Variants in EPB41L4A observed in about 807,000 individuals in gnomAD.
EPB41L4A encodes erythrocyte membrane protein band 4.1 like 4A.
A neutral mutation model predicts 108.6 loss-of-function variants in EPB41L4A; 100 were observed. The ratio of observed to expected loss-of-function variants is 0.92; its 90% CI spans 0.78 to 1.09. The LOEUF (loss-of-function observed/expected upper bound fraction) is 1.09, where lower values mean the gene tolerates loss of function less well. EPB41L4A is among the 50% of genes least tolerant of loss of function. EPB41L4A has a pLI of 0.00. For missense variants in EPB41L4A, 1,030 were observed against 842.7 expected, an observed-to-expected ratio of 1.22 and a Z score of -2.75; for synonymous variants, 319 against 289.0, an observed-to-expected ratio of 1.10 and a Z score of -1.05.
chr5:112,210,041 A>T, intron 12 of EPB41L4A, 59 bp from the exon 13 acceptor site: 5 of 1,012,234 alleles, frequency 4.9e-6, no homozygotes, highest in Non-Finnish European at 7.5e-6. Flanking sequence ...AGGAAATGAA[A>T]GAAACAGAAG....
At chr5:112,312,504 G>A (rs891165064) in intron 1 of EPB41L4A, among the ~76,000 whole-genome samples, 1 of 151,996 alleles carries the variant, frequency 6.6e-6, no homozygotes, top group Non-Finnish European at 1.5e-5. Flanking sequence ...TAGTGCAGGT[G>A]TGTCTACACA....
chr5:112,210,047 A>G, intron 12 of EPB41L4A, 65 bp from the exon 13 acceptor site: 2 of 987,382 alleles, frequency 2.0e-6, no homozygotes, highest in Non-Finnish European at 3.1e-6. Context: ...TGAAAGAAAC[A>G]GAAGACTTAT....
intron 18 of EPB41L4A, among the ~76,000 whole-genome samples, 177 bp from the exon 19 acceptor site, chr5:112,171,169 T>C (rs563650785): frequency 6.6e-6 from 1 of 152,304 alleles, no homozygotes; most frequent in Admixed American, 6.5e-5. Flanking sequence ...AGCAGCTAAA[T>C]TGCTGCTACT....
chr5:112,240,670 G>T, intron 10 of EPB41L4A, 49 bp downstream of exon 10: 2 of 996,252 alleles, frequency 2.0e-6, no homozygotes, highest in Non-Finnish European at 3.0e-6. Context: ...AAAAATAAAT[G>T]CCATTTTCAT....
In EPB41L4A at chr5:112,165,118, T is replaced by A. The variant is rs200807148; in HGVS notation, c.1933A>T (p.Arg645Ter). Residue 645 changes from arginine (R) to a stop codon, truncating the protein, a stop_gained and splice_region_variant, in exon 23 of 23, where the codon AGA becomes TGA. Transcript: ENST00000261486. LOFTEE classifies it high-confidence loss of function. ...AGGCTATCTTTAGACCCATTTCTTC[T>A]CTAAAATATATTTGAAAAATGTAGA... ...QGSGDATVHQ[R>*]RNGSKDSLME... is the part of the protein sequence containing the mutation. 1.2e-6 allele frequency: 1 copy of A among 840,468 alleles called. No individual in the cohort carries two copies. Among genetic ancestry groups the A allele is most frequent in the Non-Finnish European group, 1.7e-6 (1 of 598,378 alleles). The allele number at this position is 840,468 out of a possible 1,614,324, so 52.1% of individuals were successfully genotyped here.
At position 112,234,511 on chromosome 5, in the gene EPB41L4A, T is replaced by A. The variant is rs188030261; in HGVS notation, c.1087+123A>T. 7.5e-4 allele frequency: 684 copies of A among 908,820 alleles called. 1 individual carries two copies. Among genetic ancestry groups the A allele is most frequent in the Non-Finnish European group, 1.0e-3 (657 of 658,036 alleles). The allele number at this position is 908,820 out of a possible 1,614,324, so 56.3% of individuals were successfully genotyped here. A position where few individuals can be genotyped will look rare whatever the true frequency, so the allele number is the denominator to read the frequency against. On this transcript the variant is annotated intron_variant, in intron 12 of 22. Coordinates refer to ENST00000261486, the MANE Select transcript of EPB41L4A (RefSeq NM_022140.5). Reference sequence around the variant, plus strand: ...AATTAAAATTTCTAATATTAGAAAATTTTAATATTGGAAATTTCAATAGAA... The same window carrying A: ...AATTAAAATTTCTAATATTAGAAAAATTTAATATTGGAAATTTCAATAGAA...
chr5:112,157,148 G>GA (rs201797065), intron 12 of EPB41L4A, among the ~76,000 whole-genome samples: 18,687 of 137,040 alleles, frequency 0.14, 1,203 homozygotes, highest in South Asian at 0.17. Context: ...CATGCAAAAA[G>GA]AAAAAAAAAA....
At chr5:112,415,805 T>C (rs1291867708) in intron 1 of EPB41L4A, among the ~76,000 whole-genome samples, 1 of 152,150 alleles carries the variant, frequency 6.6e-6, no homozygotes, top group Non-Finnish European at 1.5e-5. Flanking sequence ...CCAATAGCTC[T>C]CAGCTTATGT....
At chr5:112,247,924 C>T (rs910483029) in intron 9 of EPB41L4A, among the ~76,000 whole-genome samples, 1 of 152,158 alleles carries the variant, frequency 6.6e-6, no homozygotes, top group Non-Finnish European at 1.5e-5. Context: ...ACTACCATCA[C>T]TTAAGGAAAG....
chr5:112,359,119 C>G (rs1189691610), intron 1 of EPB41L4A, among the ~76,000 whole-genome samples: 2 of 152,134 alleles, frequency 1.3e-5, no homozygotes, highest in African/African-American at 4.8e-5. Context: ...GTTTACACAA[C>G]TATATCTATA....
intron 18 of EPB41L4A, among the ~76,000 whole-genome samples, chr5:112,183,208 C>T (rs1323959152): frequency 6.6e-6 from 1 of 152,006 alleles, no homozygotes; most frequent in Non-Finnish European, 1.5e-5. Flanking sequence ...CTCAGAGCTC[C>T]CTACCTACCT....
chr5:112,250,676 A>G (rs367998953), intron 9 of EPB41L4A: 1 of 152,296 alleles, frequency 6.6e-6, no homozygotes, highest in African/African-American at 2.4e-5. Flanking sequence ...AAAATCAACA[A>G]AACACACCAG....
chr5:112,252,060 CT>C (rs56148847), intron 9 of EPB41L4A, among the ~76,000 whole-genome samples: 152,150 of 152,150 alleles, frequency 1, 76,075 homozygotes, highest in Non-Finnish European at 1. Flanking sequence ...AAATGTGTGG[CT>C]TTTTTTTGGA....
At position 112,168,723 on chromosome 5, in the gene EPB41L4A, CCTTA is replaced by C. The variant is rs771478027; in HGVS notation, c.1932+12_1932+15del. ...TCATCAATACAACACCTTCTTCAAACCTTACTATTACTAACCTGATGAACTGTAG... is the reference window on the plus strand; with the variant it reads ...TCATCAATACAACACCTTCTTCAAACCTATTACTAACCTGATGAACTGTAG... On this transcript the variant is annotated intron_variant, in intron 22 of 22. Transcript: ENST00000261486. The C allele has an allele frequency of 3.0e-5, 48 of 1,604,726 alleles. No individual in the cohort carries two copies. The highest frequency in any genetic ancestry group is 2.3e-4 in the African/African-American group (17 of 74,636).
intron 1 of EPB41L4A, among the ~76,000 whole-genome samples, chr5:112,330,507 C>T (rs1580699627): frequency 6.6e-6 from 1 of 152,212 alleles, no homozygotes; most frequent in East Asian, 1.9e-4. Context: ...CAGTGGCTTG[C>T]ATGCATCCTG....
At position 112,270,338 on chromosome 5, in the gene EPB41L4A, A is replaced by T. The variant is rs74963700; in HGVS notation, c.336-4008T>A. Among the ~76,000 whole-genome samples, 896 of 152,358 alleles carry T rather than the reference A, an allele frequency of 5.9e-3. 3 individuals carry two copies. Among genetic ancestry groups the T allele is most frequent in the Middle Eastern group, 0.01 (3 of 294 alleles). On this transcript the variant is annotated intron_variant, in intron 4 of 22. Coordinates refer to ENST00000261486, the MANE Select transcript of EPB41L4A (RefSeq NM_022140.5). Reference sequence around the variant, plus strand: ...CCTAGAGGAGAGTACCAACCTACACAGAGGTAATAAGGAGTGTGATCGTTA... The same window carrying T: ...CCTAGAGGAGAGTACCAACCTACACTGAGGTAATAAGGAGTGTGATCGTTA...
At chr5:112,308,889 A>G (rs915496801) in intron 1 of EPB41L4A, among the ~76,000 whole-genome samples, 1 of 152,186 alleles carries the variant, frequency 6.6e-6, no homozygotes, top group African/African-American at 2.4e-5. Context: ...AATCTGATTG[A>G]GCAAAAAAAG....
chr5:112,152,035 T>G (rs987174883), intron 12 of EPB41L4A, among the ~76,000 whole-genome samples: 1 of 152,214 alleles, frequency 6.6e-6, no homozygotes, highest in Admixed American at 6.5e-5. Flanking sequence ...CCCAGCCATA[T>G]TTAGTCTTTC....
chr5:112,277,875 T>A (rs1752713204), intron 3 of EPB41L4A, among the ~76,000 whole-genome samples: 1 of 152,206 alleles, frequency 6.6e-6, no homozygotes, highest in African/African-American at 2.4e-5. Context: ...ATTATTGTCT[T>A]GAATCCACAT....
Sources: gnomAD v4.1 joint callset for allele counts (sites outside exome capture counted in the v4.1 genomes callset) on GRCh38, gnomAD v4.1.1 for gene constraint, MANE v1.5 for transcripts, NCBI Gene and HGNC (gene_info 2026-07-23, HGNC 2026-07-21) for gene names.